The following FNTB variants were observed in gnomAD, a reference collection of about 807,000 sequenced individuals.
FNTB encodes the protein protein farnesyltransferase subunit beta.
FNTB carries 27 observed loss-of-function variants against 59.4 expected under a neutral mutation model. The observed-to-expected ratio is 0.45, with a 90% CI of 0.34 to 0.63. The LOEUF is 0.63. Among genes scored for constraint, FNTB ranks in the 20% least tolerant of loss-of-function variants. The pLI, the probability that FNTB is intolerant of heterozygous loss-of-function variation, is 0.02. For synonymous variants in FNTB, 230 were observed against 220.7 expected (o/e 1.04, Z -0.37); for missense variants, 449 against 559.6 (o/e 0.80, Z 1.99).
Position 65,047,800 on chromosome 14 carries a change from T to C in FNTB, c.955+3357T>C, listed in dbSNP as rs932698331. Among the ~76,000 whole-genome samples, 2 of 151,964 alleles carry C rather than the reference T, an allele frequency of 1.3e-5. No homozygotes were observed. Among genetic ancestry groups the C allele is most frequent in the Admixed American group, 6.6e-5 (1 of 15,244 alleles). On this transcript the variant is annotated intron_variant, in intron 9 of 11. Transcript: ENST00000246166. The surrounding 1 kb of genome is among the most constrained non-coding windows in gnomAD (Gnocchi z 5.2). ...AGTAGCTGCATACCATGGGCTGATATAGAAAGCTCTGCAAGATACAACATG... is the reference window on the plus strand; with the variant it reads ...AGTAGCTGCATACCATGGGCTGATACAGAAAGCTCTGCAAGATACAACATG...
intron 1 of FNTB, among the ~76,000 whole-genome samples, chr14:64,999,338 T>C (rs1330166306): frequency 1.3e-5 from 2 of 152,212 alleles, no homozygotes; most frequent in African/African-American, 2.4e-5. Context: ...CTTAGCAGGC[T>C]GAGGCAGGAG....
chr14:65,020,376 A>G (rs2061861678), intron 4 of FNTB, among the ~76,000 whole-genome samples: 1 of 151,574 alleles, frequency 6.6e-6, no homozygotes, highest in Non-Finnish European at 1.5e-5. Flanking sequence ...GCCTCCCAAA[A>G]CACTGGGATT....
Position 65,047,971 on chromosome 14 carries a change from T to C in FNTB, c.955+3528T>C, listed in dbSNP as rs2062519568. On this transcript the variant is annotated intron_variant, in intron 9 of 11. Transcript: ENST00000246166. The surrounding 1 kb of genome is among the most constrained non-coding windows in gnomAD (Gnocchi z 5.2). ...AGACAGAAGACAGAAGGAGGGAGAC[T>C]TTTTAGATTTTTTTTTTTTTTTTTT... Among the ~76,000 whole-genome samples, 1 of 143,052 alleles carries C rather than the reference T, an allele frequency of 7.0e-6. No homozygotes were observed. 93.8% of individuals were successfully genotyped at this position (143,052 alleles called of 152,430 possible). A position where few individuals can be genotyped will look rare whatever the true frequency, so the allele number is the denominator to read the frequency against.
chr14:65,013,260 T>C (rs985684807), intron 3 of FNTB, among the ~76,000 whole-genome samples: 6 of 152,202 alleles, frequency 3.9e-5, no homozygotes, highest in African/African-American at 1.4e-4. Context: ...TGCCCTTAAC[T>C]TCTTTCCTGC....
At chr14:65,021,808 G>T (rs554691125) in intron 4 of FNTB, among the ~76,000 whole-genome samples, 2 of 152,284 alleles carry the variant, frequency 1.3e-5, no homozygotes, top group East Asian at 3.9e-4. Context: ...ACTATGCCTG[G>T]CTAATTTTTG....
chr14:65,048,197 G>A (rs544030696), intron 9 of FNTB, among the ~76,000 whole-genome samples: 6 of 151,596 alleles, frequency 4.0e-5, no homozygotes, highest in Admixed American at 3.3e-4. Context: ...TGGCCTGGCT[G>A]GTCTCAAACT....
rs182233031 is a variant in FNTB, at chr14:65,031,955, T to C, written c.606-655T>C. On this transcript the variant is annotated intron_variant, in intron 6 of 11. Coordinates refer to ENST00000246166, the MANE Select transcript of FNTB (RefSeq NM_002028.4). This position sits in a 1 kb window ranked among gnomAD's most constrained non-coding sequence, Gnocchi z 4.6. ...CAAAACAAAAGCAAAACAAAAAATA[T>C]AGACGTGCGCCTTTTTCATTTAACG... 1.6e-4 allele frequency among the ~76,000 whole-genome samples: 24 copies of C among 150,748 alleles called. No homozygotes were observed. The highest frequency in any genetic ancestry group is 1.5e-3 in the Admixed American group (23 of 15,116).
At chr14:65,055,316 C>T (rs963434065) in intron 11 of FNTB, among the ~76,000 whole-genome samples, 1 of 152,136 alleles carries the variant, frequency 6.6e-6, no homozygotes, top group African/African-American at 2.4e-5. Flanking sequence ...GGACATGAAT[C>T]CAATGGAGAC....
rs192068491 is a variant in FNTB, at chr14:65,004,581, A to G, written c.209+268A>G. Among the ~76,000 whole-genome samples, 356 of 152,228 alleles carry G rather than the reference A, an allele frequency of 2.3e-3. 1 individual carries two copies. The highest frequency in any genetic ancestry group is 4.5e-3 in the Non-Finnish European group (308 of 68,010). On this transcript the variant is annotated intron_variant, in intron 2 of 11. Transcript: ENST00000246166. Reference sequence around the variant, plus strand: ...TCAATTCTGAGGTCTGAAGATGGAGAGAGGAATTCCAGGTTTTTGTTTAGT... The same window carrying G: ...TCAATTCTGAGGTCTGAAGATGGAGGGAGGAATTCCAGGTTTTTGTTTAGT...
chr14:65,010,926 A>C (rs1010359441), intron 2 of FNTB, among the ~76,000 whole-genome samples: 1 of 152,158 alleles, frequency 6.6e-6, no homozygotes, highest in Middle Eastern at 3.2e-3. Context: ...ATTAAAATTG[A>C]ATTAAAATTT....
Position 65,031,764 on chromosome 14 carries a change from T to C in FNTB, c.606-846T>C, listed in dbSNP as rs938852582. Among the ~76,000 whole-genome samples, 45 of 152,074 alleles carry C rather than the reference T, an allele frequency of 3.0e-4. No individual in the cohort carries two copies. The highest frequency in any genetic ancestry group is 3.4e-3 in the Middle Eastern group (1 of 294). ...GGCGAAACCCCATCTCCACTAAAAA[T>C]AGAAAAATAAGCCAGGCATGGTGGC... is the stretch of plus-strand genomic sequence containing the variant. On this transcript the variant is annotated intron_variant, in intron 6 of 11. Transcript: ENST00000246166. This position sits in a 1 kb window ranked among gnomAD's most constrained non-coding sequence, Gnocchi z 4.6.
rs2139643018 is a variant in FNTB at position 65,044,185 on chromosome 14, A to G, written c.823-126A>G. ...AAGGAAAGAAAACCAGAGCACCAAA[A>G]CTAGAGTGCCAAGAAGCCACAAGAT... On this transcript the variant is annotated intron_variant, in intron 8 of 11. Coordinates refer to ENST00000246166, the MANE Select transcript of FNTB (RefSeq NM_002028.4). This position sits in a 1 kb window ranked among gnomAD's most constrained non-coding sequence, Gnocchi z 5.5. 1 of 1,531,274 alleles carries G rather than the reference A, an allele frequency of 6.5e-7. No individual in the cohort carries two copies. Among genetic ancestry groups the G allele is most frequent in the East Asian group, 2.3e-5 (1 of 44,100 alleles). 94.9% of individuals were successfully genotyped at this position (1,531,274 alleles called of 1,614,324 possible). A position where few individuals can be genotyped will look rare whatever the true frequency, so the allele number is the denominator to read the frequency against.
intron 9 of FNTB, among the ~76,000 whole-genome samples, chr14:65,046,067 C>G (rs895252937): frequency 6.6e-6 from 1 of 152,154 alleles, no homozygotes; most frequent in African/African-American, 2.4e-5. Flanking sequence ...ACCTCTGCCC[C>G]CTGGGTTCAA....
At chr14:64,999,892 A>T (rs939934079) in intron 1 of FNTB, among the ~76,000 whole-genome samples, 5 of 152,204 alleles carry the variant, frequency 3.3e-5, no homozygotes, top group Admixed American at 2.6e-4. Context: ...AGAGAAGGAC[A>T]CTATGTTGGG....
rs2062856904 is a variant in FNTB at position 65,061,101 on chromosome 14, G to A, written c.1183-80G>A. 16 of 1,564,068 alleles carry A rather than the reference G, an allele frequency of 1.0e-5. No homozygotes were observed. In the Admixed American group the frequency reaches 3.0e-4, roughly 29 times the overall value. On this transcript the variant is annotated intron_variant, in intron 11 of 11. Transcript: ENST00000246166. ...TTCCTTATACTAAATTCTTAGAAGT[G>A]CCTTTCATGGAGCAAAGGATGTGTT... is the stretch of plus-strand genomic sequence containing the variant.
chr14:65,041,378 C>T (rs1280491674), intron 8 of FNTB, among the ~76,000 whole-genome samples: 4 of 152,102 alleles, frequency 2.6e-5, no homozygotes, highest in Non-Finnish European at 5.9e-5. Flanking sequence ...GAAGGCAGCC[C>T]AACATTTATG....
chr14:65,035,534 CTCTT>C (rs754448882), intron 7 of FNTB, among the ~76,000 whole-genome samples: 4 of 149,962 alleles, frequency 2.7e-5, no homozygotes, highest in Non-Finnish European at 4.4e-5. Context: ...TTTCAATTCT[CTCTT>C]TCTTTTTTTG....
chr14:64,999,162 G>A lies in FNTB; in HGVS notation c.145-5087G>A, dbSNP rs138768177. ...GATAGAAAGTAAATTAGTGGACCAGGCATGGTGGCTCATGCCTGTAATCCC... is the reference window on the plus strand; with the variant it reads ...GATAGAAAGTAAATTAGTGGACCAGACATGGTGGCTCATGCCTGTAATCCC... On this transcript the variant is annotated intron_variant, in intron 1 of 11. Coordinates refer to ENST00000246166, the MANE Select transcript of FNTB (RefSeq NM_002028.4). Among the ~76,000 whole-genome samples, 173 of 152,316 alleles carry A rather than the reference G, an allele frequency of 1.1e-3. 8 individuals are homozygous for A. In the South Asian group the frequency reaches 0.023, roughly 20 times the overall value.
intron 4 of FNTB, among the ~76,000 whole-genome samples, chr14:65,020,641 C>T (rs529286308): frequency 2.7e-4 from 41 of 152,154 alleles, no homozygotes; most frequent in Non-Finnish European, 4.7e-4. Context: ...ACCATGTTGG[C>T]CAAGTTGGTC....
Sources: allele counts gnomAD v4.1 joint callset (sites outside exome capture counted in the v4.1 genomes callset), GRCh38; gene constraint gnomAD v4.1.1; non-coding constraint Gnocchi (gnomAD v3.1); transcripts MANE v1.5; gene names NCBI Gene and HGNC (gene_info 2026-07-23, HGNC 2026-07-21).